GLP2R: variants seen among roughly 807,000 people sequenced by gnomAD.
GLP2R encodes glucagon like peptide 2 receptor, also known as glucagon-like peptide 2 receptor.
Under a neutral mutation model 68.2 loss-of-function variants are expected in GLP2R, and 59 were observed. The observed-to-expected ratio is 0.87, with a 90% CI of 0.70 to 1.07. GLP2R has a LOEUF of 1.07. Among genes scored for constraint, GLP2R ranks in the 50% least tolerant of loss-of-function variants. GLP2R has a pLI of 0.00. For missense variants in GLP2R, 548 were observed against 677.4 expected (o/e 0.81, Z 2.12); for synonymous variants, 270 against 265.4 (o/e 1.02, Z -0.17).
rs116992903 is a variant in GLP2R, at chr17:9,826,878, T to C, written c.189+626T>C. Among the ~76,000 whole-genome samples, 801 of 152,286 alleles carry C rather than the reference T, an allele frequency of 5.3e-3. 4 individuals are homozygous for C. The highest frequency in any genetic ancestry group is 8.7e-3 in the Non-Finnish European group (590 of 68,024). ...GCATACAGTTTTTTGTTTGTTTGTTTGTTTGTTTTTTGAGATGGGGTCTCG... is the reference window on the plus strand; with the variant it reads ...GCATACAGTTTTTTGTTTGTTTGTTCGTTTGTTTTTTGAGATGGGGTCTCG... On this transcript the variant is annotated intron_variant, in intron 1 of 12. Coordinates refer to ENST00000262441, the MANE Select transcript of GLP2R (RefSeq NM_004246.3).
At chr17:9,831,569 G>A (rs960660798) in intron 1 of GLP2R, among the ~76,000 whole-genome samples, 1 of 152,182 alleles carries the variant, frequency 6.6e-6, no homozygotes, top group Non-Finnish European at 1.5e-5. Flanking sequence ...AGGATGACTA[G>A]GAGTTCACCA....
intron 5 of GLP2R, among the ~76,000 whole-genome samples, chr17:9,855,802 A>C (rs1328302662): frequency 1.3e-5 from 2 of 152,218 alleles, no homozygotes; most frequent in African/African-American, 4.8e-5. Flanking sequence ...ACAAACAAGC[A>C]GTCTAGGATC....
intron 4 of GLP2R, among the ~76,000 whole-genome samples, chr17:9,846,152 C>T (rs992514724): frequency 3.3e-5 from 5 of 152,088 alleles, no homozygotes; most frequent in African/African-American, 9.7e-5. Context: ...AAATCAAGTA[C>T]GCTTTGATGT....
intron 8 of GLP2R, 97 bp downstream of exon 8, chr17:9,861,296 A>G (rs2280493): frequency 0.18 from 151,467 of 833,052 alleles, 17,169 homozygotes; most frequent in East Asian, 0.49. Flanking sequence ...GAAAATATCT[A>G]TCCCTTCTCA....
intron 5 of GLP2R, among the ~76,000 whole-genome samples, chr17:9,856,192 T>G (rs2066932294): frequency 6.6e-6 from 1 of 152,186 alleles, no homozygotes. Flanking sequence ...ATCTGTGACC[T>G]CCTTCCTTCA....
At chr17:9,852,966 G>T in intron 4 of GLP2R, 2 of 481,206 alleles carry the variant, frequency 4.2e-6, no homozygotes, top group Non-Finnish European at 7.8e-6. Context: ...CTTCCTAAGT[G>T]CTGTCCACTA....
At chr17:9,870,709 T>C (rs566906629) in intron 9 of GLP2R, 38 bp from the exon 10 acceptor site, 1 of 933,288 alleles carries the variant, frequency 1.1e-6, no homozygotes. Flanking sequence ...TATGTGGAAT[T>C]CGTCACTTAC....
chr17:9,842,009 C>T (rs572061819), intron 3 of GLP2R, among the ~76,000 whole-genome samples: 97 of 152,280 alleles, frequency 6.4e-4, no homozygotes, highest in African/African-American at 1.9e-3. Flanking sequence ...TTATTATCCC[C>T]AGTTCCTGAT....
chr17:9,840,016 C>G (rs933849348), intron 3 of GLP2R, among the ~76,000 whole-genome samples: 2 of 144,556 alleles, frequency 1.4e-5, no homozygotes, highest in Non-Finnish European at 3.0e-5. Context: ...GAGTCTTGCT[C>G]TGTTGCCCAG....
intron 2 of GLP2R, among the ~76,000 whole-genome samples, chr17:9,835,061 ACT>A (rs2066714651): frequency 8.4e-6 from 1 of 119,396 alleles, no homozygotes; most frequent in African/African-American, 3.3e-5. Context: ...ACAGAGTCTC[ACT>A]CTGTTGCCAA....
At chr17:9,856,879 A>G (rs2066938092) in intron 5 of GLP2R, among the ~76,000 whole-genome samples, 1 of 152,188 alleles carries the variant, frequency 6.6e-6, no homozygotes. Flanking sequence ...TATGTAAATG[A>G]TTTGGAACAC....
rs1015872129 is a variant in GLP2R, at chr17:9,890,380, G to C, written c.*675G>C. 1.7e-5 allele frequency: 4 copies of C among 234,168 alleles called. No homozygotes were observed. The highest frequency in any genetic ancestry group is 3.4e-5 in the Non-Finnish European group (4 of 117,894). 14.5% of individuals were successfully genotyped at this position (234,168 alleles called of 1,614,324 possible). ...AGTATGTAACTCCACCCACCAGAGT[G>C]CCACTCCTCTCTGCTCTTCCTCTCC... On this transcript the variant is annotated 3_prime_UTR_variant, in exon 13 of 13. Transcript: ENST00000262441.
chr17:9,862,375 G>A (rs548575418), intron 9 of GLP2R, among the ~76,000 whole-genome samples: 1 of 152,316 alleles, frequency 6.6e-6, no homozygotes, highest in Admixed American at 6.5e-5. Flanking sequence ...TGTGTGCAAG[G>A]CCCTGAGGAT....
In GLP2R at chr17:9,844,374, C is replaced by T. The variant is rs373175079; in HGVS notation, c.504+1758C>T. 3.9e-5 allele frequency among the ~76,000 whole-genome samples: 6 copies of T among 152,052 alleles called. No individual in the cohort carries two copies. In the East Asian group the frequency reaches 5.8e-4, roughly 15 times the overall value. On this transcript the variant is annotated intron_variant, in intron 4 of 12. Coordinates refer to ENST00000262441, the MANE Select transcript of GLP2R (RefSeq NM_004246.3). ...TAGTTATGGAGATCGGAGACTGGGG[C>T]CATGCTGGAGGCAGAAGGCAGGGAC...
At chr17:9,842,655 C>T in intron 4 of GLP2R, 39 bp downstream of exon 4, 1 of 1,610,028 alleles carries the variant, frequency 6.2e-7, no homozygotes, top group Non-Finnish European at 8.5e-7. Context: ...ATCCAGGGTC[C>T]AAACCACCCT....
intron 9 of GLP2R, among the ~76,000 whole-genome samples, chr17:9,863,087 C>T (rs767163400): frequency 7.2e-5 from 11 of 152,052 alleles, no homozygotes; most frequent in South Asian, 4.2e-4. Context: ...ACGTATGCTG[C>T]GGTATCTTCC....
At chr17:9,858,653 C>T (rs574374130) in intron 6 of GLP2R, among the ~76,000 whole-genome samples, 6 of 152,278 alleles carry the variant, frequency 3.9e-5, no homozygotes, top group East Asian at 1.9e-4. Flanking sequence ...GGATTAATTA[C>T]GAATCTAATA....
chr17:9,861,055 T>C, intron 7 of GLP2R, 84 bp from the exon 8 acceptor site: 1 of 905,430 alleles, frequency 1.1e-6, no homozygotes, highest in Non-Finnish European at 1.9e-6. Context: ...TAACCACCTG[T>C]GGTTAGCCTC....
chr17:9,853,038 G>A (rs2066905808), intron 4 of GLP2R: 1 of 489,812 alleles, frequency 2.0e-6, no homozygotes, highest in Admixed American at 2.5e-5. Flanking sequence ...TGATTTCAAA[G>A]CCCCCATGGA....
Sources: allele counts gnomAD v4.1 joint callset (sites outside exome capture counted in the v4.1 genomes callset), GRCh38; gene constraint gnomAD v4.1.1; transcripts MANE v1.5; gene names NCBI Gene and HGNC (gene_info 2026-07-23, HGNC 2026-07-21).